The following NDE1 variants were observed in gnomAD, a reference collection of about 807,000 sequenced individuals.
NDE1 encodes nudE neurodevelopment protein 1.
Under a neutral mutation model 43.4 loss-of-function variants are expected in NDE1, and 28 were observed. The observed-to-expected ratio is 0.65, with a 90% CI of 0.48 to 0.89. The LOEUF (loss-of-function observed/expected upper bound fraction) is 0.89, where lower values mean the gene tolerates loss of function less well. NDE1 is among the 40% of genes least tolerant of loss of function. The probability of loss-of-function intolerance (pLI) is 0.00; values close to 1 mark genes in which losing one functional copy is unlikely to be tolerated. For synonymous variants in NDE1, 184 were observed against 172.0 expected, an observed-to-expected ratio of 1.07 and a Z score of -0.55; for missense variants, 441 against 434.1, an observed-to-expected ratio of 1.02 and a Z score of -0.14.
chr16:15,695,022 A>G, intron 7 of NDE1: 1 of 598,636 alleles, frequency 1.7e-6, no homozygotes, highest in Non-Finnish European at 2.1e-6. Context: ...GGCCTCTACA[A>G]GAATGCAAAA....
In NDE1 at chr16:15,721,535, C is replaced by T; in HGVS notation, c.948-2656C>T. The T allele has an allele frequency of 1.2e-6, 2 of 1,614,216 alleles. No homozygotes were observed. Among genetic ancestry groups the T allele is most frequent in the Non-Finnish European group, 1.7e-6 (2 of 1,180,038 alleles). On this transcript the variant is annotated intron_variant, in intron 8 of 8. Coordinates refer to ENST00000396354, the MANE Select transcript of NDE1 (RefSeq NM_017668.3). ...TCCAAGGCCTCTTCAAGGGCCCGAG[C>T]CAGGGACAGGGCCTTGGTTTCCTTC...
intron 4 of NDE1, among the ~76,000 whole-genome samples, chr16:15,680,753 T>A (rs1468181104): frequency 1.3e-5 from 2 of 152,128 alleles, no homozygotes; most frequent in Non-Finnish European, 2.9e-5. Flanking sequence ...TTGGAGAGGC[T>A]GGTCTTGAAC....
At position 15,676,460 on chromosome 16, in the gene NDE1, C is replaced by T. The variant is rs531564932; in HGVS notation, c.238-1341C>T. The stretch of plus-strand genomic sequence containing the variant: ...CTTCTGACCTCAGGTGATCCGCCCA[C>T]CTCAGCCCTCCAAAGTGCTGGGATT... On this transcript the variant is annotated intron_variant, in intron 3 of 8. Coordinates refer to ENST00000396354, the MANE Select transcript of NDE1 (RefSeq NM_017668.3). 1.1e-4 allele frequency among the ~76,000 whole-genome samples: 16 copies of T among 152,204 alleles called. No homozygotes were observed. The South Asian group carries it at 2.9e-3, about 28-fold the overall frequency.
At chr16:15,656,794 G>T (rs902528818) in intron 1 of NDE1, among the ~76,000 whole-genome samples, 1 of 152,078 alleles carries the variant, frequency 6.6e-6, no homozygotes, top group African/African-American at 2.4e-5. Flanking sequence ...ACCCGCTGTG[G>T]CCTCCCAAAG....
In NDE1 at chr16:15,694,267, A is replaced by G; in HGVS notation, c.795+11A>G. ...CTGCGGAAAGTCGGGGTAAGACCACACTTTCCTGGCGTTTGGTGCCTTCCT... is the reference window on the plus strand; with the variant it reads ...CTGCGGAAAGTCGGGGTAAGACCACGCTTTCCTGGCGTTTGGTGCCTTCCT... On this transcript the variant is annotated intron_variant, in intron 7 of 8. Transcript: ENST00000396354. The G allele has an allele frequency of 1.2e-6, 2 of 1,611,950 alleles. No individual in the cohort carries two copies. Among genetic ancestry groups the G allele is most frequent in the South Asian group, 1.1e-5 (1 of 90,660 alleles).
intron 8 of NDE1, chr16:15,699,776 C>A (rs754480817): frequency 6.4e-5 from 87 of 1,351,506 alleles, no homozygotes; most frequent in Non-Finnish European, 8.1e-5. Context: ...CACATGTCTT[C>A]ATCGCCGCTG....
intron 8 of NDE1, chr16:15,697,111 G>A (rs2039052683): frequency 1.0e-6 from 1 of 965,350 alleles, no homozygotes; most frequent in Admixed American, 6.2e-5. Context: ...TACGATGGCA[G>A]GATCATGGCT....
At position 15,717,289 on chromosome 16, in the gene NDE1, A is replaced by G. The variant is rs1318110642; in HGVS notation, c.948-6902A>G. The G allele has an allele frequency of 6.2e-7, 1 of 1,613,128 alleles. No individual in the cohort carries two copies. The highest frequency in any genetic ancestry group is 8.5e-7 in the Non-Finnish European group (1 of 1,179,984). On this transcript the variant is annotated intron_variant, in intron 8 of 8. Transcript: ENST00000396354. ...TCTGCCGCTCGAGCTGCTGCCGGGC[A>G]CTCTCATTCTTCTGGGCCGTGCTGC...
At chr16:15,694,034 T>C in intron 6 of NDE1, 131 bp from the exon 7 acceptor site, 1 of 1,086,772 alleles carries the variant, frequency 9.2e-7, no homozygotes, top group South Asian at 1.4e-5. Context: ...CGGAAAGAAA[T>C]AGGGTAGCTT....
rs572790932 is a variant in NDE1 at position 15,664,790 on chromosome 16, C to T, written c.12C>T (p.Ser4=). The change falls in exon 2 of 9, where the codon TCC becomes TCT. Residue 4 remains serine, a synonymous_variant. Coordinates refer to ENST00000396354, the MANE Select transcript of NDE1 (RefSeq NM_017668.3). ...CCCCTGTTTTCACAATGGAGGACTCCGGAAAGACTTTCAGCTCCGAGGAGG... is the reference window on the plus strand; with the variant it reads ...CCCCTGTTTTCACAATGGAGGACTCTGGAAAGACTTTCAGCTCCGAGGAGG... MED[S]GKTFSSEEEE... The T allele has an allele frequency of 2.5e-5, 41 of 1,612,798 alleles. No individual in the cohort carries two copies. The highest frequency in any genetic ancestry group is 1.7e-4 in the Admixed American group (10 of 59,960).
chr16:15,695,752 G>T, intron 7 of NDE1: 1 of 973,792 alleles, frequency 1.0e-6, no homozygotes, highest in East Asian at 1.1e-4. Context: ...CTGGTTTTTG[G>T]CTGTCTGGTT....
intron 4 of NDE1, among the ~76,000 whole-genome samples, chr16:15,680,267 T>C (rs1408477423): frequency 2.0e-5 from 3 of 152,210 alleles, no homozygotes; most frequent in East Asian, 1.9e-4. Flanking sequence ...AGGCCAGAGA[T>C]GTGGGAAGAT....
intron 1 of NDE1, among the ~76,000 whole-genome samples, chr16:15,650,618 G>A (rs960716030): frequency 6.6e-6 from 1 of 152,214 alleles, no homozygotes; most frequent in Non-Finnish European, 1.5e-5. Flanking sequence ...CCACCCCGTT[G>A]CCCTCTTCTC....
At position 15,677,956 on chromosome 16, in the gene NDE1, G is replaced by A; in HGVS notation, c.386+7G>A. The stretch of plus-strand genomic sequence containing the variant: ...ACCTGGAAAGAGCCAAGCGGTATGG[G>A]TGGAAGGGAAAAGCACGAGTGGGAG... On this transcript the variant is annotated splice_region_variant and intron_variant, in intron 4 of 8. Coordinates refer to ENST00000396354, the MANE Select transcript of NDE1 (RefSeq NM_017668.3). 1.9e-6 allele frequency: 3 copies of A among 1,614,060 alleles called. No homozygotes were observed. Among genetic ancestry groups the A allele is most frequent in the East Asian group, 2.2e-5 (1 of 44,874 alleles).
intron 1 of NDE1, among the ~76,000 whole-genome samples, chr16:15,662,911 G>A (rs2037119902): frequency 6.6e-6 from 1 of 152,006 alleles, no homozygotes; most frequent in African/African-American, 2.4e-5. Flanking sequence ...ATTGCTGCAG[G>A]AGCTCCCCAT....
At chr16:15,653,550 GTATGTT>G (rs1428568825) in intron 1 of NDE1, among the ~76,000 whole-genome samples, 1 of 152,118 alleles carries the variant, frequency 6.6e-6, no homozygotes, top group Non-Finnish European at 1.5e-5. Flanking sequence ...GATGGTTTCT[GTATGTT>G]TATTGCTCCT....
intron 1 of NDE1, among the ~76,000 whole-genome samples, chr16:15,663,388 C>T (rs1351888795): frequency 3.3e-5 from 5 of 151,750 alleles, no homozygotes; most frequent in African/African-American, 4.8e-5. Context: ...TATGGGTGCC[C>T]GCCACCACGC....
intron 8 of NDE1, chr16:15,721,739 G>A (rs1181653687): frequency 1.7e-6 from 2 of 1,154,090 alleles, no homozygotes; most frequent in Non-Finnish European, 2.6e-6. Flanking sequence ...GTATTGAGGT[G>A]CAGGTGTAAG....
chr16:15,716,632 C>T (rs940766240), intron 8 of NDE1, among the ~76,000 whole-genome samples: 10 of 152,324 alleles, frequency 6.6e-5, no homozygotes, highest in African/African-American at 2.2e-4. Context: ...AGTGATTCTC[C>T]TGCCTCAGTC....
Sources: gnomAD v4.1 joint callset for allele counts (sites outside exome capture counted in the v4.1 genomes callset) on GRCh38, gnomAD v4.1.1 for gene constraint, MANE v1.5 for transcripts, NCBI Gene and HGNC (gene_info 2026-07-23, HGNC 2026-07-21) for gene names.